The following RBFOX1 variants were observed in gnomAD, a reference collection of about 807,000 sequenced individuals.
RBFOX1 encodes the protein RNA binding fox-1 homolog 1.
Under a neutral mutation model 57.7 loss-of-function variants are expected in RBFOX1, and 8 were observed. The ratio of observed to expected loss-of-function variants is 0.14; its 90% CI spans 0.08 to 0.25. RBFOX1 has a LOEUF of 0.25. RBFOX1 is among the 10% of genes least tolerant of loss of function. RBFOX1 has a pLI of 1.00. For synonymous variants in RBFOX1, 326 were observed against 222.4 expected, an observed-to-expected ratio of 1.47 and a Z score of -4.15; for missense variants, 611 against 548.5, an observed-to-expected ratio of 1.11 and a Z score of -1.14.
intron 2 of RBFOX1, chr16:6,483,993 G>A (rs1291534811): frequency 1.0e-5 from 10 of 997,168 alleles, no homozygotes; most frequent in Non-Finnish European, 1.2e-5. Flanking sequence ...TGGTGGGGGT[G>A]GTCTGGACAC....
At chr16:6,724,716 G>A (rs2066781243) in intron 3 of RBFOX1, among the ~76,000 whole-genome samples, 2 of 152,194 alleles carry the variant, frequency 1.3e-5, no homozygotes, top group African/African-American at 2.4e-5. Flanking sequence ...GACCATATAG[G>A]GTAACTTTTT....
intron 3 of RBFOX1, among the ~76,000 whole-genome samples, chr16:6,912,777 G>T (rs7498759): frequency 1.3e-5 from 2 of 151,370 alleles, no homozygotes; most frequent in Admixed American, 6.6e-5. Flanking sequence ...GCCACCACAC[G>T]TGCCCGCCTA....
chr16:7,510,182 T>TC, intron 4 of RBFOX1: 1 of 985,824 alleles, frequency 1.0e-6, no homozygotes, highest in Non-Finnish European at 1.2e-6. Context: ...AACACCCCGA[T>TC]CATCCACACA....
At chr16:5,766,339 C>A (rs576215134) in intron 3 of RBFOX1, among the ~76,000 whole-genome samples, 1 of 152,098 alleles carries the variant, frequency 6.6e-6, no homozygotes, top group East Asian at 1.9e-4. Context: ...GTAATCACAG[C>A]GCTTTGGGTA....
At chr16:6,662,683 C>T (rs1450411414) in intron 3 of RBFOX1, among the ~76,000 whole-genome samples, 1 of 152,098 alleles carries the variant, frequency 6.6e-6, no homozygotes, top group Non-Finnish European at 1.5e-5. Context: ...CTAAAAGACT[C>T]AAACATTTGA....
At chr16:6,763,278 G>C (rs1332151486) in intron 3 of RBFOX1, among the ~76,000 whole-genome samples, 1 of 152,180 alleles carries the variant, frequency 6.6e-6, no homozygotes, top group African/African-American at 2.4e-5. Flanking sequence ...CCTCCTGTTA[G>C]TGAGAAGCAA....
At chr16:7,061,691 T>G (rs1197083586) in intron 4 of RBFOX1, among the ~76,000 whole-genome samples, 1 of 152,198 alleles carries the variant, frequency 6.6e-6, no homozygotes, top group African/African-American at 2.4e-5. Context: ...CTATTCCCAT[T>G]TCTTGCTTTA....
At chr16:5,277,213 A>C (rs140973763) in intron 1 of RBFOX1, among the ~76,000 whole-genome samples, 20 of 152,300 alleles carry the variant, frequency 1.3e-4, no homozygotes, top group African/African-American at 4.8e-4. Context: ...GGAATGGAAA[A>C]ACAAACATTG....
At chr16:5,247,269 A>G (rs1384397823) in intron 1 of RBFOX1, among the ~76,000 whole-genome samples, 5 of 152,212 alleles carry the variant, frequency 3.3e-5, no homozygotes. Context: ...CTGGTCTTGC[A>G]AACTGTGGTT....
At chr16:6,940,716 G>A (rs1024877532) in intron 3 of RBFOX1, among the ~76,000 whole-genome samples, 1 of 151,436 alleles carries the variant, frequency 6.6e-6, no homozygotes, top group Non-Finnish European at 1.5e-5. Context: ...TCCTGCCTCA[G>A]CCTCCCGAGT....
At chr16:7,570,596 A>T (rs1602114915) in intron 5 of RBFOX1, among the ~76,000 whole-genome samples, 2 of 152,330 alleles carry the variant, frequency 1.3e-5, no homozygotes, top group East Asian at 3.9e-4. Context: ...TGATGAAACT[A>T]GAGTTTTATT....
intron 1 of RBFOX1, among the ~76,000 whole-genome samples, chr16:6,091,552 G>A (rs952463740): frequency 3.9e-5 from 6 of 152,244 alleles, no homozygotes; most frequent in South Asian, 4.2e-4. Context: ...TGTTGAGGCC[G>A]AGTGTCATGG....
chr16:6,516,354 C>G (rs911118099), intron 2 of RBFOX1, among the ~76,000 whole-genome samples: 2 of 152,156 alleles, frequency 1.3e-5, no homozygotes, highest in African/African-American at 4.8e-5. Flanking sequence ...GTTTCTTCAT[C>G]TGTAAAATGG....
intron 14 of RBFOX1, among the ~76,000 whole-genome samples, chr16:7,696,052 C>G (rs560120889): frequency 6.6e-5 from 10 of 152,258 alleles, no homozygotes; most frequent in East Asian, 3.9e-4. Flanking sequence ...AAAGCAATGC[C>G]TTTTACGTGG....
intron 3 of RBFOX1, among the ~76,000 whole-genome samples, chr16:6,734,372 A>C (rs1352075937): frequency 6.6e-6 from 1 of 152,210 alleles, no homozygotes; most frequent in Non-Finnish European, 1.5e-5. Flanking sequence ...CTAATCATTG[A>C]TCGTAACAGC....
intron 1 of RBFOX1, among the ~76,000 whole-genome samples, chr16:6,032,478 C>A (rs541407090): frequency 1.2e-4 from 18 of 152,284 alleles, no homozygotes; most frequent in Non-Finnish European, 2.9e-5. Context: ...GGCTCTTGAG[C>A]TTTTTGTTCC....
intron 1 of RBFOX1, among the ~76,000 whole-genome samples, chr16:5,297,549 A>ACCGGTGGGTCATTTGT (rs1303797918): frequency 2.6e-5 from 4 of 152,196 alleles, no homozygotes; most frequent in Non-Finnish European, 5.9e-5. Flanking sequence ...TCTTTTGAGA[A>ACCGGTGGGTCATTTGT]ATGTCTACTT....
intron 4 of RBFOX1, among the ~76,000 whole-genome samples, chr16:7,199,152 A>T (rs965575415): frequency 1.3e-5 from 2 of 152,168 alleles, no homozygotes; most frequent in African/African-American, 4.8e-5. Context: ...TGATGAGAAA[A>T]TTGGAAATGG....
At chr16:6,656,025 G>C (rs2098648600) in intron 3 of RBFOX1, among the ~76,000 whole-genome samples, 1 of 152,194 alleles carries the variant, frequency 6.6e-6, no homozygotes, top group East Asian at 1.9e-4. Context: ...TTGCAGTTTT[G>C]TGTTGCTCTA....
Sources: allele counts gnomAD v4.1 joint callset (sites outside exome capture counted in the v4.1 genomes callset), GRCh38; gene constraint gnomAD v4.1.1; transcripts MANE v1.5; gene names NCBI Gene and HGNC (gene_info 2026-07-23, HGNC 2026-07-21).